BICDL1: variants seen among roughly 807,000 people sequenced by gnomAD.
The protein encoded by BICDL1 is BICD family-like cargo adapter 1.
BICDL1 carries 20 observed loss-of-function variants against 76.8 expected under a neutral mutation model. That is an observed-to-expected ratio of 0.26 (90% CI 0.18 to 0.38). The LOEUF is 0.38. BICDL1 is among the 10% of genes least tolerant of loss of function. The probability of loss-of-function intolerance (pLI) is 1.00; values close to 1 mark genes in which losing one functional copy is unlikely to be tolerated. For missense variants in BICDL1, 700 were observed against 798.6 expected, an observed-to-expected ratio of 0.88 and a Z score of 1.49; for synonymous variants, 383 against 337.1, an observed-to-expected ratio of 1.14 and a Z score of -1.49.
intron 6 of BICDL1, among the ~76,000 whole-genome samples, chr12:120,074,242 C>A (rs1383681933): frequency 6.6e-6 from 1 of 151,998 alleles, no homozygotes; most frequent in Non-Finnish European, 1.5e-5. Flanking sequence ...TTCTTCCTTC[C>A]ACCTTTTGTC....
chr12:120,009,965 G>A (rs2138661496), intron 2 of BICDL1, among the ~76,000 whole-genome samples: 2 of 152,340 alleles, frequency 1.3e-5, no homozygotes, highest in Middle Eastern at 6.8e-3. Flanking sequence ...CCAGTGGTTT[G>A]TGAAATGTTT....
chr12:120,081,161 C>A, intron 8 of BICDL1, 144 bp downstream of exon 8: 1 of 718,818 alleles, frequency 1.4e-6, no homozygotes, highest in East Asian at 3.3e-5. Context: ...ACCCCCACCC[C>A]CACCCCCATT....
At chr12:120,088,809 G>A (rs1874670680) in intron 8 of BICDL1, among the ~76,000 whole-genome samples, 1 of 152,202 alleles carries the variant, frequency 6.6e-6, no homozygotes, top group Non-Finnish European at 1.5e-5. Flanking sequence ...TGGGACTACA[G>A]GCACCTGCCG....
In BICDL1 at chr12:120,064,938, CA is replaced by C; in HGVS notation, c.909+64del. Reference sequence around the variant, plus strand: ...GAGCCAGATAAAAGGAGCACTTAGCCAAAAAGAAAAGGCTGGGAGGCCAGCA... The same window carrying C: ...GAGCCAGATAAAAGGAGCACTTAGCCAAAAGAAAAGGCTGGGAGGCCAGCA... On this transcript the variant is annotated intron_variant, in intron 4 of 9. Coordinates refer to ENST00000548673, the MANE Select transcript of BICDL1 (RefSeq NM_001367886.1). 3 of 1,527,002 alleles carry C rather than the reference CA, an allele frequency of 2.0e-6. No homozygotes were observed. The Admixed American group carries it at 6.6e-5, about 33-fold the overall frequency. The allele number at this position is 1,527,002 out of a possible 1,614,324, so 94.6% of individuals were successfully genotyped here.
At chr12:120,016,036 A>G (rs1427576158) in intron 2 of BICDL1, among the ~76,000 whole-genome samples, 1 of 152,070 alleles carries the variant, frequency 6.6e-6, no homozygotes, top group African/African-American at 2.4e-5. Context: ...GTTCCCCCAT[A>G]TCGTTCTGCA....
intron 2 of BICDL1, among the ~76,000 whole-genome samples, chr12:120,038,634 T>C (rs1489573631): frequency 6.6e-6 from 1 of 152,182 alleles, no homozygotes; most frequent in Non-Finnish European, 1.5e-5. Flanking sequence ...TGATTGGCTG[T>C]TGTGAGCCAA....
At chr12:120,052,129 A>G (rs973473325) in intron 2 of BICDL1, among the ~76,000 whole-genome samples, 15 of 152,104 alleles carry the variant, frequency 9.9e-5, no homozygotes, top group Middle Eastern at 3.4e-3. Flanking sequence ...TTTTTAGTAG[A>G]GACGGGTTTT....
chr12:120,089,872 G>T, intron 8 of BICDL1, 79 bp from the exon 9 acceptor site: 1 of 1,548,220 alleles, frequency 6.5e-7, no homozygotes, highest in South Asian at 1.2e-5. Context: ...CTCATCCTGG[G>T]ACTCCAGGTG....
At chr12:119,991,972 T>G (rs748764591) in intron 1 of BICDL1, among the ~76,000 whole-genome samples, 3 of 152,234 alleles carry the variant, frequency 2.0e-5, no homozygotes. Context: ...TTTTAAAACC[T>G]TCATTCCTCT....
chr12:120,013,334 A>G (rs1307724867), intron 2 of BICDL1, among the ~76,000 whole-genome samples: 1 of 151,760 alleles, frequency 6.6e-6, no homozygotes, highest in Admixed American at 6.6e-5. Flanking sequence ...AAAAATTATA[A>G]AGCCTGTGGT....
At chr12:120,038,173 C>G (rs1952562941) in intron 2 of BICDL1, among the ~76,000 whole-genome samples, 2 of 152,186 alleles carry the variant, frequency 1.3e-5, no homozygotes, top group Admixed American at 1.3e-4. Context: ...ATTCCTAAAG[C>G]AGTGAGTGGT....
chr12:120,018,442 T>A (rs1428908063), intron 2 of BICDL1, among the ~76,000 whole-genome samples: 1 of 152,210 alleles, frequency 6.6e-6, no homozygotes, highest in Non-Finnish European at 1.5e-5. Context: ...AAGCCTTTCT[T>A]CCACCTAAGT....
chr12:120,047,835 A>G (rs1952778405), intron 2 of BICDL1, among the ~76,000 whole-genome samples: 1 of 152,174 alleles, frequency 6.6e-6, no homozygotes. Flanking sequence ...GCCAGTTTAT[A>G]CAAATATTTA....
chr12:120,082,970 C>G (rs968442665), intron 8 of BICDL1, among the ~76,000 whole-genome samples: 2 of 152,162 alleles, frequency 1.3e-5, no homozygotes, highest in Non-Finnish European at 2.9e-5. Flanking sequence ...TCAAGCTATT[C>G]TCGTGCCTCA....
At chr12:120,005,181 A>G (rs1189927023) in intron 2 of BICDL1, among the ~76,000 whole-genome samples, 2 of 152,180 alleles carry the variant, frequency 1.3e-5, no homozygotes, top group East Asian at 1.9e-4. Flanking sequence ...AAAAGAATTC[A>G]TGTTCACTGT....
chr12:120,080,178 A>C (rs1873856868), intron 7 of BICDL1, among the ~76,000 whole-genome samples: 1 of 152,242 alleles, frequency 6.6e-6, no homozygotes. Flanking sequence ...ACTGTGGGGC[A>C]GGGTAAGCTG....
Position 119,989,728 on chromosome 12 carries a change from A to G in BICDL1, c.-141A>G, listed in dbSNP as rs1951471121. On this transcript the variant is annotated 5_prime_UTR_variant, in exon 1 of 10. Coordinates refer to ENST00000548673, the MANE Select transcript of BICDL1 (RefSeq NM_001367886.1). ...GGGCGGGCCGGCGCGCGCCGCGCCC[A>G]GGGCTCGCGGGGACCCGGGGGCGCG... is the stretch of plus-strand genomic sequence containing the variant. 1 of 176,184 alleles carries G rather than the reference A, an allele frequency of 5.7e-6. No homozygotes were observed. The highest frequency in any genetic ancestry group is 1.9e-4 in the South Asian group (1 of 5,252). The allele number at this position is 176,184 out of a possible 1,614,324, so 10.9% of individuals were successfully genotyped here.
chr12:120,061,608 A>T lies in BICDL1; in HGVS notation c.646-102A>T, dbSNP rs531703272. ...GCATCTCATCTAGTGCTCCTTAAAG[A>T]ATAGAAAGTGCAAAGAGATGCTTGA... On this transcript the variant is annotated intron_variant, in intron 2 of 9. Transcript: ENST00000548673. 7.5e-4 allele frequency: 627 copies of T among 832,848 alleles called. 9 individuals are homozygous for T. In the South Asian group the frequency reaches 8.5e-3, roughly 11 times the overall value. 51.6% of individuals were successfully genotyped at this position (832,848 alleles called of 1,614,324 possible). A position where few individuals can be genotyped will look rare whatever the true frequency, so the allele number is the denominator to read the frequency against.
intron 8 of BICDL1, among the ~76,000 whole-genome samples, 168 bp from the exon 9 acceptor site, chr12:120,089,783 A>G (rs886186070): frequency 6.6e-6 from 1 of 152,244 alleles, no homozygotes; most frequent in African/African-American, 2.4e-5. Flanking sequence ...AACATGTTGC[A>G]AACTAACCCT....
Sources: allele counts gnomAD v4.1 joint callset (sites outside exome capture counted in the v4.1 genomes callset), GRCh38; gene constraint gnomAD v4.1.1; transcripts MANE v1.5; gene names NCBI Gene and HGNC (gene_info 2026-07-23, HGNC 2026-07-21).